BAZ1B: variants seen among roughly 807,000 people sequenced by gnomAD.
The protein encoded by BAZ1B is bromodomain adjacent to zinc finger domain 1B.
BAZ1B carries 22 observed loss-of-function variants against 153.8 expected under a neutral mutation model. The observed-to-expected ratio is 0.14, with a 90% confidence interval of 0.10 to 0.20. The LOEUF (loss-of-function observed/expected upper bound fraction) is 0.20. Ranked by LOEUF, BAZ1B falls within the 10% of genes least tolerant of loss-of-function variation. The pLI, the probability that BAZ1B is intolerant of heterozygous loss-of-function variation, is 1.00. For missense variants in BAZ1B, 1,325 were observed against 1,799.3 expected (o/e 0.74, Z 4.77); for synonymous variants, 676 against 633.4 (o/e 1.07, Z -1.01).
intron 11 of BAZ1B, 140 bp from the exon 12 acceptor site, chr7:73,463,239 CTTTTTTTTTTTTT>C (rs11340027): frequency 2.1e-5 from 10 of 466,248 alleles, no homozygotes; most frequent in Non-Finnish European, 3.2e-5. Flanking sequence ...TTTCTTTTTT[CTTTTTTTTTTTTT>C]TTTTTCCCCC....
At chr7:73,486,887 C>A (rs1442083468) in intron 6 of BAZ1B, among the ~76,000 whole-genome samples, 1 of 152,106 alleles carries the variant, frequency 6.6e-6, no homozygotes, top group Non-Finnish European at 1.5e-5. Context: ...TATGTTTTGC[C>A]CTGGCTGAGA....
chr7:73,495,017 C>T (rs1478258445), intron 4 of BAZ1B, among the ~76,000 whole-genome samples: 1 of 152,182 alleles, frequency 6.6e-6, no homozygotes, highest in Non-Finnish European at 1.5e-5. Flanking sequence ...GGCGTGGTGA[C>T]TCACGCCTGT....
Position 73,442,518 on chromosome 7 carries a change from T to C in BAZ1B, c.4130A>G (p.Tyr1377Cys), listed in dbSNP as rs782153248. The C allele has an allele frequency of 3.7e-6, 6 of 1,613,478 alleles. No individual in the cohort carries two copies. Among genetic ancestry groups the C allele is most frequent in the South Asian group, 1.1e-5 (1 of 91,048 alleles). The stretch of plus-strand genomic sequence containing the variant: ...GTCCATGGGGTGCGTGATCACATCA[T>C]AGTAGTCCTCGGCCTCATCTCTGGT... Reference protein sequence around the residue: ...PVTRDEAEDYYDVITHPMDFQ... With the variant: ...PVTRDEAEDYCDVITHPMDFQ... The change falls in exon 19 of 20, where the codon TAT becomes TGT. Residue 1377 changes from tyrosine to cysteine, a missense_variant. Physicochemically the swap from Tyr to Cys is radical, Grantham distance 194. This residue lies in a region of BAZ1B where 271 missense variants were observed against 337.2 expected (regional missense o/e 0.80). Coordinates refer to ENST00000339594, the MANE Select transcript of BAZ1B (RefSeq NM_032408.4).
At chr7:73,517,532 GA>G (rs1440635518) in intron 1 of BAZ1B, among the ~76,000 whole-genome samples, 4 of 151,562 alleles carry the variant, frequency 2.6e-5, no homozygotes, top group African/African-American at 4.9e-5. Context: ...GGGAAAGCAA[GA>G]AAAAAAATGA....
chr7:73,509,444 G>A (rs1333501183), intron 2 of BAZ1B, among the ~76,000 whole-genome samples: 2 of 152,242 alleles, frequency 1.3e-5, no homozygotes, highest in East Asian at 3.9e-4. Flanking sequence ...AAAAAAACAT[G>A]CAGTTTGCTG....
intron 15 of BAZ1B, among the ~76,000 whole-genome samples, chr7:73,448,974 C>A (rs531042802): frequency 1.1e-4 from 16 of 151,996 alleles, no homozygotes; most frequent in Non-Finnish European, 2.1e-4. Context: ...TGAGAAGCCA[C>A]CAAAGGAGCC....
intron 15 of BAZ1B, 119 bp from the exon 16 acceptor site, chr7:73,447,498 T>C: frequency 7.9e-7 from 1 of 1,268,530 alleles, no homozygotes; most frequent in Non-Finnish European, 1.1e-6. Context: ...GTATAACGTA[T>C]GATAATTCAG....
At chr7:73,518,128 G>A (rs1554579622) in intron 1 of BAZ1B, among the ~76,000 whole-genome samples, 4 of 152,006 alleles carry the variant, frequency 2.6e-5, no homozygotes, top group Admixed American at 6.6e-5. Flanking sequence ...CAGGCTGGGC[G>A]CAGTGGCTCA....
chr7:73,486,049 T>A (rs1789394679), intron 6 of BAZ1B, among the ~76,000 whole-genome samples: 1 of 152,234 alleles, frequency 6.6e-6, no homozygotes, highest in Non-Finnish European at 1.5e-5. Context: ...AAAGCCCAAA[T>A]GTCAGTGGCA....
intron 1 of BAZ1B, among the ~76,000 whole-genome samples, chr7:73,518,467 A>C (rs1554579679): frequency 3.9e-5 from 6 of 152,174 alleles, no homozygotes. Context: ...AATCAACGTA[A>C]GAGCTCAGTA....
At chr7:73,453,717 G>A (rs1185842984) in intron 13 of BAZ1B, among the ~76,000 whole-genome samples, 1 of 152,208 alleles carries the variant, frequency 6.6e-6, no homozygotes, top group Non-Finnish European at 1.5e-5. Context: ...AGATGCGGTG[G>A]CTCCTGCCTG....
At chr7:73,521,339 G>A (rs1554580150) in intron 1 of BAZ1B, among the ~76,000 whole-genome samples, 1 of 152,214 alleles carries the variant, frequency 6.6e-6, no homozygotes, top group East Asian at 1.9e-4. Context: ...GCAGAGATCG[G>A]GGTAAGACGC....
chr7:73,510,605 C>G lies in BAZ1B; in HGVS notation c.224+131G>C, dbSNP rs146001792. On this transcript the variant is annotated intron_variant, in intron 2 of 19. Transcript: ENST00000339594. ...AGGCAAAGGAACCCAGAAACCCATA[C>G]AGTACACTAATGTAATATAGTCTAA... The G allele has an allele frequency of 7.0e-6, 6 of 853,730 alleles. No homozygotes were observed. In the East Asian group the frequency reaches 7.4e-5, roughly 10 times the overall value. The allele number at this position is 853,730 out of a possible 1,614,324, so 52.9% of individuals were successfully genotyped here.
intron 6 of BAZ1B, among the ~76,000 whole-genome samples, chr7:73,481,530 A>G (rs1231109640): frequency 6.6e-6 from 1 of 151,640 alleles, no homozygotes; most frequent in East Asian, 2.0e-4. Flanking sequence ...AAAAAAAAAA[A>G]AAAGATTTAA....
At chr7:73,507,803 A>G (rs1790403866) in intron 3 of BAZ1B, among the ~76,000 whole-genome samples, 1 of 151,780 alleles carries the variant, frequency 6.6e-6, no homozygotes. Context: ...GTCCAAGGCT[A>G]CATACAGTGA....
chr7:73,519,760 A>C (rs566527301), intron 1 of BAZ1B, among the ~76,000 whole-genome samples: 1 of 152,192 alleles, frequency 6.6e-6, no homozygotes, highest in South Asian at 2.1e-4. Flanking sequence ...TCTCTATGGC[A>C]TGTTTCTTAT....
At chr7:73,447,599 C>T (rs1583884462) in intron 15 of BAZ1B, among the ~76,000 whole-genome samples, 1 of 152,262 alleles carries the variant, frequency 6.6e-6, no homozygotes, top group East Asian at 1.9e-4. Flanking sequence ...TCTGCCAGGC[C>T]ACAGACAGTT....
At chr7:73,472,471 TG>T (rs1439829070) in intron 7 of BAZ1B, among the ~76,000 whole-genome samples, 1 of 152,168 alleles carries the variant, frequency 6.6e-6, no homozygotes, top group Non-Finnish European at 1.5e-5. Flanking sequence ...TTGGTCAGGC[TG>T]GTCTTGAACT....
chr7:73,444,507 T>C (rs1227330871), intron 16 of BAZ1B, among the ~76,000 whole-genome samples: 1 of 152,180 alleles, frequency 6.6e-6, no homozygotes, highest in Admixed American at 6.5e-5. Context: ...CAGCCCAAGC[T>C]CAGCCTGAGC....
Sources: allele counts gnomAD v4.1 joint callset (sites outside exome capture counted in the v4.1 genomes callset), GRCh38; gene constraint gnomAD v4.1.1; regional missense constraint gnomAD v4.1.1; transcripts MANE v1.5; gene names NCBI Gene and HGNC (gene_info 2026-07-23, HGNC 2026-07-21).